Variants in NDUFB10 observed in about 807,000 individuals in gnomAD.
NDUFB10 encodes the protein NADH:ubiquinone oxidoreductase subunit B10, also known as NADH dehydrogenase [ubiquinone] 1 beta subcomplex subunit 10.
A neutral mutation model predicts 19.0 loss-of-function variants in NDUFB10; 23 were observed. That is an observed-to-expected ratio of 1.21 (90% CI 0.87 to 1.71). The LOEUF is 1.71. Ranked by LOEUF, NDUFB10 falls within the 40% of genes most tolerant of loss-of-function variation. The pLI, the probability that NDUFB10 is intolerant of heterozygous loss-of-function variation, is 0.00. For missense variants in NDUFB10, 312 were observed against 230.6 expected, an observed-to-expected ratio of 1.35 and a Z score of -2.29; for synonymous variants, 104 against 81.8, an observed-to-expected ratio of 1.27 and a Z score of -1.46.
At chr16:1,959,878 G>T in intron 1 of NDUFB10, 124 bp downstream of exon 1, 1 of 1,325,186 alleles carries the variant, frequency 7.5e-7, no homozygotes, top group Admixed American at 2.1e-5. Flanking sequence ...GCTGCACCCC[G>T]GGGACAACTC....
chr16:1,961,643 G>GGCCCCCCCCCCCCCCCCCCCCCCCC lies in NDUFB10; in HGVS notation c.409+7_409+8insGCCCCCCCCCCCCCCCCCCCCCCCC. On this transcript the variant is annotated splice_region_variant and intron_variant, in intron 3 of 3. Transcript: ENST00000268668. Reference sequence around the variant, plus strand: ...AAGGCCTACCAGGACCGCTGTGCGTGCCCCACCCACCCCCAACCCCCCACC... The same window carrying GGCCCCCCCCCCCCCCCCCCCCCCCC: ...AAGGCCTACCAGGACCGCTGTGCGTGGCCCCCCCCCCCCCCCCCCCCCCCCCCCCACCCACCCCCAACCCCCCACC... 4.5e-6 allele frequency: 7 copies of GGCCCCCCCCCCCCCCCCCCCCCCCC among 1,547,018 alleles called. No individual in the cohort carries two copies. Among genetic ancestry groups the GGCCCCCCCCCCCCCCCCCCCCCCCC allele is most frequent in the African/African-American group, 1.5e-5 (1 of 67,522 alleles).
In NDUFB10 at chr16:1,959,818, C is replaced by A. The variant is rs562456333; in HGVS notation, c.130+64C>A. The A allele has an allele frequency of 6.9e-6, 11 of 1,592,906 alleles. No individual in the cohort carries two copies. In the African/African-American group the frequency reaches 1.2e-4, roughly 18 times the overall value. The stretch of plus-strand genomic sequence containing the variant: ...GGGGACCCCTGGATCCCACACCCTG[C>A]CTGGATCCTCCAATGCCTCCGGGGT... On this transcript the variant is annotated intron_variant, in intron 1 of 3. Transcript: ENST00000268668.
intron 1 of NDUFB10, 107 bp downstream of exon 1, chr16:1,959,861 GC>G: frequency 1.4e-6 from 2 of 1,446,978 alleles, no homozygotes; most frequent in South Asian, 1.3e-5. Flanking sequence ...GCCTGAGACC[GC>G]CCCCCGCTGC....
intron 1 of NDUFB10, 72 bp downstream of exon 1, chr16:1,959,826 C>G: frequency 6.3e-7 from 1 of 1,578,560 alleles, no homozygotes; most frequent in Non-Finnish European, 8.6e-7. Flanking sequence ...TGCCTGGATC[C>G]TCCAATGCCT....
intron 1 of NDUFB10, among the ~76,000 whole-genome samples, chr16:1,960,308 C>T (rs1053080760): frequency 2.0e-5 from 3 of 152,022 alleles, no homozygotes; most frequent in African/African-American, 7.2e-5. Context: ...CAACCTCTGC[C>T]CCACCCCGGG....
Position 1,959,660 on chromosome 16 carries a change from G to A in NDUFB10, c.36G>A (p.Glu12=), listed in dbSNP as rs1829381511. ...PDSWDKDVYP[E]PPRRTPVQPN... is the part of the protein sequence containing the mutation. ...GCTGGGACAAGGATGTGTACCCTGA[G>A]CCCCCGCGCCGCACGCCGGTGCAGC... The change falls in exon 1 of 4, where the codon GAG becomes GAA. Residue 12 remains glutamate, a synonymous_variant. Transcript: ENST00000268668. 6.2e-7 allele frequency: 1 copy of A among 1,612,810 alleles called. No individual in the cohort carries two copies. Among genetic ancestry groups the A allele is most frequent in the Non-Finnish European group, 8.5e-7 (1 of 1,179,674 alleles).
At chr16:1,960,214 C>G (rs959942235) in intron 1 of NDUFB10, among the ~76,000 whole-genome samples, 1 of 110,288 alleles carries the variant, frequency 9.1e-6, no homozygotes. Context: ...ATGCCCAGTT[C>G]AGTTTTTGTT....
intron 3 of NDUFB10, 23 bp downstream of exon 3, chr16:1,961,659 A>T (rs976005111): frequency 2.6e-6 from 2 of 779,266 alleles, no homozygotes; most frequent in Non-Finnish European, 2.0e-6. Context: ...CCCACCCCCA[A>T]CCCCCCACCA....
chr16:1,959,721 C>T lies in NDUFB10; in HGVS notation c.97C>T (p.Leu33Phe), dbSNP rs2083241057. The change falls in exon 1 of 4, where the codon CTC becomes TTC. Residue 33 changes from leucine (L) to phenylalanine (F), a missense_variant. Transcript: ENST00000268668. Reference sequence around the variant, plus strand: ...CGTCTACATGATGAAAGCGTTCGACCTCATCGTGGACCGACCCGTGACCCT... The same window carrying T: ...CGTCTACATGATGAAAGCGTTCGACTTCATCGTGGACCGACCCGTGACCCT... ...PIVYMMKAFDLIVDRPVTLVR... is the reference protein window; with the variant it reads ...PIVYMMKAFDFIVDRPVTLVR... 4.3e-6 allele frequency: 7 copies of T among 1,613,464 alleles called. No homozygotes were observed. Among genetic ancestry groups the T allele is most frequent in the Middle Eastern group, 1.6e-4 (1 of 6,062 alleles).
In NDUFB10 at chr16:1,961,429, A is replaced by G. The variant is rs80071661; in HGVS notation, c.270-68A>G. On this transcript the variant is annotated intron_variant, in intron 2 of 3. Transcript: ENST00000268668. ...CCAGACCCCAGGGCTCTTGCTTTCA[A>G]TTGTTCTCACAGGGTACAGGAAAAG... 0.029 allele frequency: 46,794 copies of G among 1,598,174 alleles called. 867 individuals are homozygous for G. Among genetic ancestry groups the G allele is most frequent in the African/African-American group, 0.078 (5,826 of 74,624 alleles).
intron 1 of NDUFB10, among the ~76,000 whole-genome samples, chr16:1,960,799 C>G (rs1419072759): frequency 6.6e-6 from 1 of 152,192 alleles, no homozygotes; most frequent in Non-Finnish European, 1.5e-5. Flanking sequence ...CTTTGCGCAC[C>G]CAGCAGGGTC....
chr16:1,961,744 C>T (rs1293711743), intron 3 of NDUFB10, 53 bp from the exon 4 acceptor site: 1 of 1,538,508 alleles, frequency 6.5e-7, no homozygotes, highest in South Asian at 1.2e-5. Context: ...ACTTTGCCCC[C>T]TTTGCATGTA....
rs775155567 is a variant in NDUFB10, at chr16:1,961,646, C to G, written c.409+10C>G. The stretch of plus-strand genomic sequence containing the variant: ...GCCTACCAGGACCGCTGTGCGTGCC[C>G]CACCCACCCCCAACCCCCCACCATC... On this transcript the variant is annotated intron_variant, in intron 3 of 3. Transcript: ENST00000268668. The G allele has an allele frequency of 2.0e-6, 3 of 1,519,644 alleles. No individual in the cohort carries two copies. The Admixed American group carries it at 5.7e-5, about 29-fold the overall frequency. 94.1% of individuals were successfully genotyped at this position (1,519,644 alleles called of 1,614,324 possible). A position where few individuals can be genotyped will look rare whatever the true frequency, so the allele number is the denominator to read the frequency against.
rs2083254523 is a variant in NDUFB10 at position 1,961,520 on chromosome 16, A to G, written c.293A>G (p.Asn98Ser). 1.2e-6 allele frequency: 2 copies of G among 1,614,040 alleles called. No individual in the cohort carries two copies. The highest frequency in any genetic ancestry group is 1.1e-5 in the South Asian group (1 of 91,080). ...RDYKVDQEIINIMQDRLKACQ... is the reference protein window; with the variant it reads ...RDYKVDQEIISIMQDRLKACQ... ...AGCAAAGTCGACCAAGAAATTATCA[A>G]CATTATGCAGGATCGGCTCAAAGCC... Residue 98 changes from asparagine (N) to serine (S), a missense_variant, in exon 3 of 4, where the codon AAC (asparagine) becomes AGC (serine). Transcript: ENST00000268668.
At chr16:1,959,953 C>G (rs189222053) in intron 1 of NDUFB10, among the ~76,000 whole-genome samples, 199 bp downstream of exon 1, 12 of 152,000 alleles carry the variant, frequency 7.9e-5, no homozygotes, top group Admixed American at 2.0e-4. Flanking sequence ...CCGGACCTCA[C>G]CTCCCAGGAT....
At chr16:1,960,304 C>G (rs1264094717) in intron 1 of NDUFB10, among the ~76,000 whole-genome samples, 1 of 151,944 alleles carries the variant, frequency 6.6e-6, no homozygotes, top group African/African-American at 2.4e-5. Context: ...ACTGCAACCT[C>G]TGCCCCACCC....
chr16:1,961,036 C>T lies in NDUFB10; in HGVS notation c.131-117C>T, dbSNP rs532610015. On this transcript the variant is annotated intron_variant, in intron 1 of 3. Transcript: ENST00000268668. ...GAGAGACGAATTGCTGTTTTCTAAA[C>T]GCTGGAACACTCAGGAAGTTCTCCT... The T allele has an allele frequency of 1.3e-4, 172 of 1,288,952 alleles. No individual in the cohort carries two copies. In the Admixed American group the frequency reaches 3.2e-3, roughly 24 times the overall value. 79.8% of individuals were successfully genotyped at this position (1,288,952 alleles called of 1,614,324 possible). A position where few individuals can be genotyped will look rare whatever the true frequency, so the allele number is the denominator to read the frequency against.
Position 1,959,727 on chromosome 16 carries a change from G to A in NDUFB10, c.103G>A (p.Val35Met), listed in dbSNP as rs150651720. Residue 35 changes from valine (V) to methionine (M), a missense_variant, in exon 1 of 4, where the codon GTG (valine) becomes ATG (methionine). Transcript: ENST00000268668. ...VYMMKAFDLI[V>M]DRPVTLVREF... is the part of the protein sequence containing the mutation. ...CATGATGAAAGCGTTCGACCTCATCGTGGACCGACCCGTGACCCTCGTGAG... is the reference window on the plus strand; with the variant it reads ...CATGATGAAAGCGTTCGACCTCATCATGGACCGACCCGTGACCCTCGTGAG... The A allele has an allele frequency of 1.2e-6, 2 of 1,613,280 alleles. No homozygotes were observed. Among genetic ancestry groups the A allele is most frequent in the Non-Finnish European group, 1.7e-6 (2 of 1,179,714 alleles).
Position 1,961,493 on chromosome 16 carries a change from C to T in NDUFB10, c.270-4C>T, listed in dbSNP as rs753689022. ...TAGCCTCTCTTGCTCCTTTTCTCCA[C>T]CAGCAAAGTCGACCAAGAAATTATC... On this transcript the variant is annotated splice_polypyrimidine_tract_variant and splice_region_variant and intron_variant, in intron 2 of 3. Coordinates refer to ENST00000268668, the MANE Select transcript of NDUFB10 (RefSeq NM_004548.3). 13 of 1,613,870 alleles carry T rather than the reference C, an allele frequency of 8.1e-6. No homozygotes were observed. In the South Asian group the frequency reaches 1.3e-4, roughly 16 times the overall value.
Sources: allele counts gnomAD v4.1 joint callset (sites outside exome capture counted in the v4.1 genomes callset), GRCh38; gene constraint gnomAD v4.1.1; transcripts MANE v1.5; gene names NCBI Gene and HGNC (gene_info 2026-07-23, HGNC 2026-07-21).